PUS10: variants seen among roughly 807,000 people sequenced by gnomAD.
The protein encoded by PUS10 is tRNA pseudouridine synthase Pus10.
In PUS10, 59 loss-of-function variants were observed where a neutral mutation model predicts 75.0. The observed-to-expected ratio is 0.79, with a 90% CI of 0.64 to 0.98. The LOEUF (loss-of-function observed/expected upper bound fraction) is 0.98. Among genes scored for constraint, PUS10 ranks in the 50% least tolerant of loss-of-function variants. PUS10 has a pLI of 0.00. For synonymous variants in PUS10, 219 were observed against 211.6 expected, an observed-to-expected ratio of 1.03 and a Z score of -0.30; for missense variants, 650 against 614.4, an observed-to-expected ratio of 1.06 and a Z score of -0.61.
intron 10 of PUS10, among the ~76,000 whole-genome samples, chr2:60,960,843 T>TA (rs34578958): frequency 1.3e-3 from 156 of 120,622 alleles, no homozygotes; most frequent in East Asian, 8.8e-3. Flanking sequence ...ATACCAAGGA[T>TA]AAAAAAAAAA....
intron 1 of PUS10, among the ~76,000 whole-genome samples, chr2:61,012,867 A>AAAAAT (rs1679710007): frequency 7.2e-5 from 2 of 27,738 alleles, no homozygotes; most frequent in East Asian, 7.4e-4. Context: ...AAAAAAAAAA[A>AAAAAT]ATATATATAT....
chr2:60,982,064 T>C (rs1677428637), intron 4 of PUS10, among the ~76,000 whole-genome samples: 1 of 151,928 alleles, frequency 6.6e-6, no homozygotes, highest in Non-Finnish European at 1.5e-5. Context: ...ACTTTTCTTT[T>C]TCCATCTCCA....
intron 15 of PUS10, among the ~76,000 whole-genome samples, chr2:60,951,285 G>T (rs1314138398): frequency 1.3e-5 from 2 of 152,088 alleles, no homozygotes; most frequent in Non-Finnish European, 2.9e-5. Flanking sequence ...CCAGTTTCTG[G>T]GAAGACAATT....
Position 60,945,064 on chromosome 2 carries a change from G to C in PUS10, c.1496C>G (p.Pro499Arg). 6.2e-7 allele frequency: 1 copy of C among 1,614,044 alleles called. No individual in the cohort carries two copies. The highest frequency in any genetic ancestry group is 8.5e-7 in the Non-Finnish European group (1 of 1,179,918). Residue 499 changes from proline (P) to arginine (R), a missense_variant, in exon 17 of 18, where the codon CCA becomes CGA. Physicochemically the swap from Pro to Arg is moderately radical, Grantham distance 103. Transcript: ENST00000316752. Reference sequence around the variant, plus strand: ...CACATTCATCAGGGACCCAATGTTTGGCTTGGTTCTCCCGAAGTCTCCATG... The same window carrying C: ...CACATTCATCAGGGACCCAATGTTTCGCTTGGTTCTCCCGAAGTCTCCATG... ...FVHGDFGRTK[P>R]NIGSLMNVTA... is the part of the protein sequence containing the mutation.
chr2:60,955,069 TA>T lies in PUS10; in HGVS notation c.1005del (p.Phe335LeufsTer11). On this transcript the variant is annotated frameshift_variant, in exon 12 of 18. Coordinates refer to ENST00000316752, the MANE Select transcript of PUS10 (RefSeq NM_144709.4). LOFTEE classifies it high-confidence loss of function. ...HLLAVFKAES[F>X]NFSSSGREDV... is the part of the protein sequence containing the mutation. The stretch of plus-strand genomic sequence containing the variant: ...TCTTCTCTTCCAGAGGATGAAAAAT[TA>T]AAACCTTTGAAAAGCAGATAAAGAA... 2 of 1,593,026 alleles carry T rather than the reference TA, an allele frequency of 1.3e-6. No homozygotes were observed. Among genetic ancestry groups the T allele is most frequent in the Non-Finnish European group, 8.5e-7 (1 of 1,170,000 alleles).
rs1674603659 is a variant in PUS10, at chr2:60,941,036, A to G, written c.*1359T>C. On this transcript the variant is annotated 3_prime_UTR_variant, in exon 18 of 18. Transcript: ENST00000316752. ...TTTATGTTTAATATAGAGATGGGAA[A>G]TGGTTAGTAATCTAATACTAGTCAA... is the stretch of plus-strand genomic sequence containing the variant. 6.6e-6 allele frequency: 1 copy of G among 152,286 alleles called. No individual in the cohort carries two copies. Among genetic ancestry groups the G allele is most frequent in the Non-Finnish European group, 1.5e-5 (1 of 67,992 alleles). 9.4% of individuals were successfully genotyped at this position (152,286 alleles called of 1,614,324 possible). A position where few individuals can be genotyped will look rare whatever the true frequency, so the allele number is the denominator to read the frequency against.
intron 11 of PUS10, 129 bp downstream of exon 11, chr2:60,960,263 G>C: frequency 1.6e-6 from 1 of 608,722 alleles, no homozygotes; most frequent in Admixed American, 4.3e-5. Context: ...CAGATCGTTT[G>C]AGCCCAGGAA....
chr2:61,004,797 A>C (rs115816250), intron 4 of PUS10, among the ~76,000 whole-genome samples: 3,833 of 152,262 alleles, frequency 0.025, 143 homozygotes, highest in African/African-American at 0.087. Context: ...GTTAAAATAT[A>C]TTAGTCATTA....
At chr2:60,955,135 C>T (rs1675570358) in intron 11 of PUS10, 61 bp from the exon 12 acceptor site, 2 of 1,069,406 alleles carry the variant, frequency 1.9e-6, no homozygotes, top group Admixed American at 2.2e-5. Context: ...ATATTCATTC[C>T]CAACCTTTGC....
At chr2:60,960,674 G>A (rs1191256679) in intron 10 of PUS10, among the ~76,000 whole-genome samples, 157 bp from the exon 11 acceptor site, 1 of 151,712 alleles carries the variant, frequency 6.6e-6, no homozygotes, top group Non-Finnish European at 1.5e-5. Context: ...TGGAGACCTG[G>A]GACATATACA....
intron 4 of PUS10, among the ~76,000 whole-genome samples, chr2:60,995,611 A>G (rs1426947252): frequency 6.6e-6 from 1 of 152,230 alleles, no homozygotes; most frequent in Non-Finnish European, 1.5e-5. Flanking sequence ...GGTCCTAAAA[A>G]TTAATGGAGG....
At chr2:61,007,215 GTT>G (rs758807191) in intron 3 of PUS10, among the ~76,000 whole-genome samples, 3 of 144,490 alleles carry the variant, frequency 2.1e-5, no homozygotes, top group African/African-American at 5.1e-5. Context: ...GTAGGCTTTT[GTT>G]TTTTTTTTTT....
intron 16 of PUS10, among the ~76,000 whole-genome samples, chr2:60,947,726 G>C (rs1558861393): frequency 6.6e-6 from 1 of 151,434 alleles, no homozygotes; most frequent in African/African-American, 2.4e-5. Context: ...CTACTCGGGA[G>C]GCTGAGGCAG....
chr2:60,968,080 T>C (rs562309227), intron 5 of PUS10, among the ~76,000 whole-genome samples: 2 of 152,286 alleles, frequency 1.3e-5, no homozygotes, highest in African/African-American at 4.8e-5. Context: ...CTGTACTTTT[T>C]AAAAAACTTT....
rs1275967240 is a variant in PUS10, at chr2:60,941,459, A to G, written c.*936T>C. The G allele has an allele frequency of 6.6e-5, 10 of 152,350 alleles. No homozygotes were observed. The highest frequency in any genetic ancestry group is 1.5e-4 in the Non-Finnish European group (10 of 68,018). 9.4% of individuals were successfully genotyped at this position (152,350 alleles called of 1,614,324 possible). On this transcript the variant is annotated 3_prime_UTR_variant, in exon 18 of 18. Coordinates refer to ENST00000316752, the MANE Select transcript of PUS10 (RefSeq NM_144709.4). ...CTAGTCCTCAATATAGAAGTAGCTA[A>G]CAATTTTGGATAAGTCATTTAACTT...
At chr2:61,009,609 T>G (rs1039280143) in intron 2 of PUS10, among the ~76,000 whole-genome samples, 1 of 152,206 alleles carries the variant, frequency 6.6e-6, no homozygotes, top group African/African-American at 2.4e-5. Flanking sequence ...TTGAAAGCCA[T>G]GCTCTACTAT....
At chr2:60,952,804 C>T (rs755672016) in intron 15 of PUS10, among the ~76,000 whole-genome samples, 193 bp downstream of exon 15, 2 of 152,230 alleles carry the variant, frequency 1.3e-5, no homozygotes, top group South Asian at 2.1e-4. Context: ...CCACTGGCCA[C>T]GCTGCCGCTC....
intron 4 of PUS10, among the ~76,000 whole-genome samples, chr2:60,979,643 T>C (rs1677259978): frequency 6.6e-6 from 1 of 152,162 alleles, no homozygotes; most frequent in South Asian, 2.1e-4. Flanking sequence ...TCTCCTCTGA[T>C]AAATAAAACC....
rs1449353566 is a variant in PUS10, at chr2:60,954,090, G to C, written c.1126C>G (p.Leu376Val). 3.1e-6 allele frequency: 5 copies of C among 1,614,000 alleles called. No individual in the cohort carries two copies. The highest frequency in any genetic ancestry group is 4.2e-6 in the Non-Finnish European group (5 of 1,179,938). The part of the protein sequence containing the change: ...VHFTSQEIKE[L>V]QQKINNSSNK... ...GGCATGAAGTGGTTTACCTGCTGAA[G>C]TTCCTTAATTTCTTGTGAAGTGAAA... Residue 376 changes from leucine to valine, a missense_variant, in exon 13 of 18, where the codon CTT becomes GTT. Leu to Val is a conservative substitution (Grantham distance 32, BLOSUM62 1). Transcript: ENST00000316752.
Sources: allele counts gnomAD v4.1 joint callset (sites outside exome capture counted in the v4.1 genomes callset), GRCh38; gene constraint gnomAD v4.1.1; transcripts MANE v1.5; gene names NCBI Gene and HGNC (gene_info 2026-07-23, HGNC 2026-07-21).